SNTG1: variants seen among roughly 807,000 people sequenced by gnomAD.
The protein encoded by SNTG1 is syntrophin gamma 1.
A neutral mutation model predicts 74.7 loss-of-function variants in SNTG1; 39 were observed. The ratio of observed to expected loss-of-function variants is 0.52; its 90% CI spans 0.40 to 0.68. The LOEUF (loss-of-function observed/expected upper bound fraction) is 0.68, where lower values mean the gene tolerates loss of function less well. Among genes scored for constraint, SNTG1 ranks in the 30% least tolerant of loss-of-function variants. The probability of loss-of-function intolerance (pLI) is 0.00; values close to 1 mark genes in which losing one functional copy is unlikely to be tolerated. For synonymous variants in SNTG1, 254 were observed against 217.1 expected, an observed-to-expected ratio of 1.17 and a Z score of -1.49; for missense variants, 685 against 609.5, an observed-to-expected ratio of 1.12 and a Z score of -1.30.
chr8:50,395,759 A>T (rs2092721119), intron 3 of SNTG1, among the ~76,000 whole-genome samples: 1 of 151,620 alleles, frequency 6.6e-6, no homozygotes, highest in Non-Finnish European at 1.5e-5. Flanking sequence ...GATCCACCCG[A>T]CTCGGCCTCC....
intron 1 of SNTG1, among the ~76,000 whole-genome samples, chr8:49,954,926 A>G (rs1810027544): frequency 6.6e-6 from 1 of 152,352 alleles, no homozygotes; most frequent in Middle Eastern, 3.4e-3. Context: ...CCAGTATTCC[A>G]GTAAGCAGAA....
chr8:50,351,692 A>G (rs1307981463), intron 2 of SNTG1, among the ~76,000 whole-genome samples: 1 of 152,230 alleles, frequency 6.6e-6, no homozygotes, highest in African/African-American at 2.4e-5. Flanking sequence ...TTTAAAACTG[A>G]GGAGTTACAA....
At chr8:50,280,300 A>G (rs2088366434) in intron 2 of SNTG1, among the ~76,000 whole-genome samples, 1 of 152,328 alleles carries the variant, frequency 6.6e-6, no homozygotes, top group African/African-American at 2.4e-5. Context: ...AGTAAAAACC[A>G]ATTTCTGCAT....
At chr8:50,233,086 CA>C (rs1313819923) in intron 2 of SNTG1, among the ~76,000 whole-genome samples, 7 of 151,014 alleles carry the variant, frequency 4.6e-5, no homozygotes, top group East Asian at 3.9e-4. Context: ...AGAATCAAGC[CA>C]AAAAAATGTA....
At chr8:50,229,769 A>T (rs2085524386) in intron 2 of SNTG1, among the ~76,000 whole-genome samples, 2 of 151,500 alleles carry the variant, frequency 1.3e-5, no homozygotes, top group African/African-American at 4.8e-5. Flanking sequence ...ATCCAGTGGC[A>T]AGAGAATTCA....
At chr8:50,679,275 A>T (rs2095322086) in intron 15 of SNTG1, among the ~76,000 whole-genome samples, 2 of 152,088 alleles carry the variant, frequency 1.3e-5, no homozygotes, top group African/African-American at 4.8e-5. Context: ...ATTAACATGG[A>T]TTACTGAATT....
chr8:50,489,362 C>T (rs890170999), intron 8 of SNTG1, among the ~76,000 whole-genome samples: 8 of 152,202 alleles, frequency 5.3e-5, no homozygotes, highest in African/African-American at 1.9e-4. Flanking sequence ...CTGTCTTCCA[C>T]AATGGTTGAA....
chr8:50,485,096 G>T (rs936901603), intron 8 of SNTG1, among the ~76,000 whole-genome samples: 8 of 152,150 alleles, frequency 5.3e-5, no homozygotes, highest in Non-Finnish European at 7.3e-5. Context: ...CATTTGATCT[G>T]ATAATGGAAA....
At chr8:50,290,100 T>C (rs1011056283) in intron 2 of SNTG1, among the ~76,000 whole-genome samples, 1 of 152,170 alleles carries the variant, frequency 6.6e-6, no homozygotes, top group African/African-American at 2.4e-5. Flanking sequence ...TCCAGTTTTA[T>C]CTTCCAGGAA....
chr8:50,464,992 G>A (rs1321319202), intron 8 of SNTG1, among the ~76,000 whole-genome samples: 1 of 149,564 alleles, frequency 6.7e-6, no homozygotes, highest in Non-Finnish European at 1.5e-5. Flanking sequence ...TCTCCACACA[G>A]GCTTGTTACA....
chr8:50,785,871 A>G (rs1439840395), intron 18 of SNTG1, among the ~76,000 whole-genome samples: 1 of 152,036 alleles, frequency 6.6e-6, no homozygotes, highest in African/African-American at 2.4e-5. Flanking sequence ...CTTAAAATCA[A>G]TCAGAGCAAT....
At chr8:50,337,695 G>C (rs1257467313) in intron 2 of SNTG1, among the ~76,000 whole-genome samples, 1 of 152,110 alleles carries the variant, frequency 6.6e-6, no homozygotes, top group Non-Finnish European at 1.5e-5. Flanking sequence ...GCAACCCATG[G>C]GCACAGGTTC....
intron 1 of SNTG1, among the ~76,000 whole-genome samples, chr8:50,151,360 C>T (rs1163599649): frequency 6.6e-6 from 1 of 152,014 alleles, no homozygotes; most frequent in African/African-American, 2.4e-5. Flanking sequence ...TTCAAAAAAC[C>T]AGCTCCCGGT....
chr8:49,987,862 A>G (rs1247733840), intron 1 of SNTG1, among the ~76,000 whole-genome samples: 2 of 151,938 alleles, frequency 1.3e-5, no homozygotes, highest in Non-Finnish European at 2.9e-5. Context: ...GTTAGCCAGG[A>G]TGGTCAAAAT....
intron 4 of SNTG1, among the ~76,000 whole-genome samples, chr8:50,437,543 A>G (rs527746529): frequency 6.6e-6 from 1 of 152,288 alleles, no homozygotes; most frequent in South Asian, 2.1e-4. Flanking sequence ...AGAATGAGGG[A>G]AGCAATTCAT....
chr8:49,988,778 T>C (rs960422632), intron 1 of SNTG1, among the ~76,000 whole-genome samples: 1 of 151,966 alleles, frequency 6.6e-6, no homozygotes, highest in African/African-American at 2.4e-5. Context: ...AAGCACTACA[T>C]AGAGATAAAT....
At chr8:50,240,411 TAA>T (rs2086112562) in intron 2 of SNTG1, among the ~76,000 whole-genome samples, 3 of 152,214 alleles carry the variant, frequency 2.0e-5, no homozygotes, top group Admixed American at 2.0e-4. Flanking sequence ...TTTACTTAGC[TAA>T]AAAATTTAAA....
intron 8 of SNTG1, among the ~76,000 whole-genome samples, chr8:50,499,496 C>A (rs1364843501): frequency 6.7e-6 from 1 of 148,258 alleles, no homozygotes; most frequent in African/African-American, 2.5e-5. Flanking sequence ...GGCTTTTATT[C>A]CTTCTTTCCA....
intron 2 of SNTG1, among the ~76,000 whole-genome samples, chr8:50,314,257 T>A (rs1275716876): frequency 1.3e-5 from 2 of 149,734 alleles, no homozygotes; most frequent in Non-Finnish European, 2.9e-5. Flanking sequence ...TGTCTTGTTT[T>A]TTTTTAATTC....
Sources: allele counts gnomAD v4.1 joint callset (sites outside exome capture counted in the v4.1 genomes callset), GRCh38; gene constraint gnomAD v4.1.1; transcripts MANE v1.5; gene names NCBI Gene and HGNC (gene_info 2026-07-23, HGNC 2026-07-21).